GLB1: variants seen among roughly 807,000 people sequenced by gnomAD.
GLB1 encodes beta-galactosidase.
In GLB1, 56 loss-of-function variants were observed where a neutral mutation model predicts 74.0. The ratio of observed to expected loss-of-function variants is 0.76; its 90% CI spans 0.61 to 0.94. GLB1 has a LOEUF of 0.94. Ranked by LOEUF, GLB1 falls within the 40% of genes least tolerant of loss-of-function variation. GLB1 has a pLI of 0.00. For missense variants in GLB1, 787 were observed against 845.5 expected (o/e 0.93, Z 0.86); for synonymous variants, 323 against 323.6 (o/e 1.00, Z 0.02).
At chr3:33,068,716 C>T (rs1699785497) in intron 3 of GLB1, 104 bp downstream of exon 3, 18 of 1,594,442 alleles carry the variant, frequency 1.1e-5, no homozygotes, top group Non-Finnish European at 1.5e-5. Context: ...CAGTCCCAGG[C>T]CCCATGCTCT....
chr3:33,093,197 C>G lies in GLB1; in HGVS notation c.75+3814G>C. 1 of 1,613,978 alleles carries G rather than the reference C, an allele frequency of 6.2e-7. No homozygotes were observed. On this transcript the variant is annotated intron_variant, in intron 1 of 15. Transcript: ENST00000307363. The surrounding 1 kb of genome is among the most constrained non-coding windows in gnomAD (Gnocchi z 6.0). ...GGATGTCTGCTTCAATATCGTCCAC[C>G]CCAGCCAAGCAGATCCAGTCCTCAT...
At chr3:33,065,709 T>TTTG (rs1559408425) in intron 4 of GLB1, 152 bp from the exon 5 acceptor site, 1 of 866,574 alleles carries the variant, frequency 1.2e-6, no homozygotes, top group Non-Finnish European at 1.8e-6. Context: ...GGCTCACGCC[T>TTTG]GTAATCCCAG....
intron 10 of GLB1, among the ~76,000 whole-genome samples, chr3:33,035,364 T>C (rs1698227488): frequency 6.6e-6 from 1 of 152,016 alleles, no homozygotes; most frequent in African/African-American, 2.4e-5. Context: ...TCCAGGGGTT[T>C]GAAGCTGCAG....
chr3:33,000,484 T>C (rs1696511971), intron 15 of GLB1, among the ~76,000 whole-genome samples: 1 of 152,116 alleles, frequency 6.6e-6, no homozygotes, highest in African/African-American at 2.4e-5. Flanking sequence ...CCCAGTACTT[T>C]GGGAAGCCAA....
downstream of GLB1, among the ~76,000 whole-genome samples, chr3:32,993,073 G>A (rs1006234807): frequency 6.6e-6 from 1 of 152,162 alleles, no homozygotes; most frequent in Non-Finnish European, 1.5e-5. Flanking sequence ...GACTAAAAAG[G>A]TGATTTCAGA....
intron 9 of GLB1, among the ~76,000 whole-genome samples, chr3:33,047,641 A>T (rs975319767): frequency 3.3e-5 from 5 of 152,230 alleles, no homozygotes; most frequent in Non-Finnish European, 7.3e-5. Flanking sequence ...ATGATAGTTT[A>T]CCTAGGATTA....
chr3:33,049,211 C>A (rs867688699), intron 9 of GLB1, among the ~76,000 whole-genome samples: 9 of 152,134 alleles, frequency 5.9e-5, no homozygotes, highest in African/African-American at 2.2e-4. Flanking sequence ...GAAAAAGGCA[C>A]CCACCAGGTC....
At chr3:33,029,161 T>C (rs1697901415) in intron 10 of GLB1, among the ~76,000 whole-genome samples, 1 of 152,246 alleles carries the variant, frequency 6.6e-6, no homozygotes, top group Non-Finnish European at 1.5e-5. Flanking sequence ...AGCTAATTAA[T>C]GTTTCAGAAA....
chr3:33,094,104 AGATAC>A (rs1198440361), intron 1 of GLB1: 3 of 1,614,250 alleles, frequency 1.9e-6, no homozygotes, highest in Non-Finnish European at 1.7e-6. Flanking sequence ...GCTCTCTGCC[AGATAC>A]GAGCGGGAGG....
rs1448427824 is a variant in GLB1, at chr3:33,068,859, G to T, written c.357C>A (p.Ile119=). ...RLAHELGLLV[I]LRPGPYICAE... is the part of the protein sequence containing the mutation. ...CACAGATGTAGGGCCCGGGCCTCAG[G>T]ATAACCAGCAGTCCCAGCTCATGAG... is the stretch of plus-strand genomic sequence containing the variant. Residue 119 remains isoleucine, a synonymous_variant, in exon 3 of 16, where the codon ATC becomes ATA. Coordinates refer to ENST00000307363, the MANE Select transcript of GLB1 (RefSeq NM_000404.4). The T allele has an allele frequency of 6.2e-7, 1 of 1,614,112 alleles. No homozygotes were observed. Among genetic ancestry groups the T allele is most frequent in the Non-Finnish European group, 8.5e-7 (1 of 1,180,016 alleles).
At chr3:33,053,388 G>T in intron 7 of GLB1, 103 bp downstream of exon 7, 3 of 1,535,884 alleles carry the variant, frequency 2.0e-6, no homozygotes, top group South Asian at 1.1e-5. Context: ...ATTAGCTGCT[G>T]ACTCCAGAGC....
chr3:33,042,363 T>TCTC (rs1202275020), intron 10 of GLB1, among the ~76,000 whole-genome samples: 2 of 113,472 alleles, frequency 1.8e-5, no homozygotes, highest in African/African-American at 6.3e-5. Flanking sequence ...TGACCCCTCA[T>TCTC]CTCCTCCTTT....
At position 33,093,383 on chromosome 3, in the gene GLB1, G is replaced by A. The variant is rs1700856748; in HGVS notation, c.75+3628C>T. The stretch of plus-strand genomic sequence containing the variant: ...ACTCATGATTGCCTGTGACGAAGTA[G>A]GCACCGAGATGTGAATGAAGCTGGC... On this transcript the variant is annotated intron_variant, in intron 1 of 15. Transcript: ENST00000307363. The surrounding 1 kb of genome is among the most constrained non-coding windows in gnomAD (Gnocchi z 6.0). 1 of 1,614,104 alleles carries A rather than the reference G, an allele frequency of 6.2e-7. No homozygotes were observed. The highest frequency in any genetic ancestry group is 1.3e-5 in the African/African-American group (1 of 74,934).
At chr3:33,071,574 T>C (rs1699889711) in intron 2 of GLB1, among the ~76,000 whole-genome samples, 1 of 152,200 alleles carries the variant, frequency 6.6e-6, no homozygotes, top group Non-Finnish European at 1.5e-5. Flanking sequence ...GCTTATTCTG[T>C]TATTGGGGCT....
rs1016654447 is a variant in GLB1, at chr3:33,086,431, C to A, written c.75+10580G>T. On this transcript the variant is annotated intron_variant, in intron 1 of 15. Coordinates refer to ENST00000307363, the MANE Select transcript of GLB1 (RefSeq NM_000404.4). ...GCAGGAAAAAAAGGGTAGAATTTTA[C>A]AAATCACTATTCTGCAATCTTTAGT... is the stretch of plus-strand genomic sequence containing the variant. 3.9e-5 allele frequency among the ~76,000 whole-genome samples: 6 copies of A among 152,140 alleles called. No homozygotes were observed. In the East Asian group the frequency reaches 1.2e-3, roughly 29 times the overall value.
At chr3:33,014,422 G>A in intron 14 of GLB1, 112 bp from the exon 15 acceptor site, 1 of 1,497,434 alleles carries the variant, frequency 6.7e-7, no homozygotes, top group Non-Finnish European at 9.0e-7. Flanking sequence ...AACACCAACA[G>A]GAAATGAACC....
chr3:33,087,438 C>T lies in GLB1; in HGVS notation c.75+9573G>A, dbSNP rs557719792. On this transcript the variant is annotated intron_variant, in intron 1 of 15. Coordinates refer to ENST00000307363, the MANE Select transcript of GLB1 (RefSeq NM_000404.4). The stretch of plus-strand genomic sequence containing the variant: ...TACAAAAATTAGCCGGGTGTGGTGG[C>T]GCGTGCCTGTGGTCCTGGCTACTTG... Among the ~76,000 whole-genome samples the T allele has an allele frequency of 5.3e-5, 8 of 152,124 alleles. No individual in the cohort carries two copies. In the East Asian group the frequency reaches 9.7e-4, roughly 18 times the overall value.
intron 15 of GLB1, among the ~76,000 whole-genome samples, chr3:33,013,737 T>C (rs1467948671): frequency 6.6e-6 from 1 of 152,114 alleles, no homozygotes; most frequent in Non-Finnish European, 1.5e-5. Context: ...CACCTCTTTG[T>C]CTTGACTGGA....
the GLB1 span, among the ~76,000 whole-genome samples, chr3:32,981,507 C>G: frequency 6.6e-6 from 1 of 151,762 alleles, no homozygotes; most frequent in Non-Finnish European, 1.5e-5. Context: ...GGCACGGTGG[C>G]TCACATCTGT....
Sources: gnomAD v4.1 joint callset for allele counts (sites outside exome capture counted in the v4.1 genomes callset) on GRCh38, gnomAD v4.1.1 for gene constraint, Gnocchi (gnomAD v3.1) non-coding constraint, MANE v1.5 for transcripts, NCBI Gene and HGNC (gene_info 2026-07-23, HGNC 2026-07-21) for gene names.